MARCHF3: variants seen among roughly 807,000 people sequenced by gnomAD.
MARCHF3 encodes E3 ubiquitin-protein ligase MARCHF3.
A neutral mutation model predicts 24.2 loss-of-function variants in MARCHF3; 13 were observed. The observed-to-expected ratio is 0.54, with a 90% confidence interval of 0.35 to 0.85. The LOEUF is 0.85. Among genes scored for constraint, MARCHF3 ranks in the 40% least tolerant of loss-of-function variants. MARCHF3 has a pLI of 0.01. For synonymous variants in MARCHF3, 144 were observed against 137.3 expected (o/e 1.05, Z -0.34); for missense variants, 276 against 325.0 (o/e 0.85, Z 1.16).
intron 1 of MARCHF3, among the ~76,000 whole-genome samples, chr5:127,014,642 C>T (rs1561473843): frequency 6.6e-6 from 1 of 152,076 alleles, no homozygotes; most frequent in Non-Finnish European, 1.5e-5. Context: ...GAATGAAATT[C>T]TGTAATTTTA....
At chr5:126,902,492 T>C (rs1017976528) in intron 3 of MARCHF3, among the ~76,000 whole-genome samples, 1 of 152,044 alleles carries the variant, frequency 6.6e-6, no homozygotes, top group Non-Finnish European at 1.5e-5. Context: ...ATCAGAACAA[T>C]TGAAAATAAC....
intron 1 of MARCHF3, among the ~76,000 whole-genome samples, chr5:126,976,438 G>A (rs144978375): frequency 6.6e-6 from 1 of 152,174 alleles, no homozygotes; most frequent in African/African-American, 2.4e-5. Flanking sequence ...TTGGTCTCCA[G>A]GTTCATTGCC....
At chr5:126,980,902 A>C (rs964618498) in intron 1 of MARCHF3, among the ~76,000 whole-genome samples, 1 of 152,224 alleles carries the variant, frequency 6.6e-6, no homozygotes, top group Non-Finnish European at 1.5e-5. Context: ...CAGAGATGTT[A>C]AAATTGTTTT....
intron 3 of MARCHF3, among the ~76,000 whole-genome samples, chr5:126,894,638 G>A (rs375430276): frequency 6.6e-6 from 1 of 151,888 alleles, no homozygotes; most frequent in Non-Finnish European, 1.5e-5. Context: ...TGGCTTGTAG[G>A]GTTTCTGCCG....
intron 1 of MARCHF3, among the ~76,000 whole-genome samples, chr5:127,021,037 G>C (rs1016640605): frequency 8.6e-5 from 13 of 152,008 alleles, no homozygotes; most frequent in African/African-American, 3.1e-4. Flanking sequence ...CCAAAACTGT[G>C]AGTAACAAAT....
Position 126,944,488 on chromosome 5 carries a change from CA to C in MARCHF3, c.-56-26262del, listed in dbSNP as rs993956174. 1.5e-4 allele frequency among the ~76,000 whole-genome samples: 23 copies of C among 152,138 alleles called. 1 individual carries two copies. On this transcript the variant is annotated intron_variant, in intron 1 of 4. Coordinates refer to ENST00000308660, the MANE Select transcript of MARCHF3 (RefSeq NM_178450.5). ...GTTGTACATGCCCAGGGGGCTGAGGCAGGGGAACTGCTTGAGCCCAGGAAGT... is the reference window on the plus strand; with the variant it reads ...GTTGTACATGCCCAGGGGGCTGAGGCGGGGAACTGCTTGAGCCCAGGAAGT...
In MARCHF3 at chr5:126,915,492, T is replaced by C. The variant is rs112893328; in HGVS notation, c.189-358A>G. ...CATCCTTCATCATCAAGAAGAGAAA[T>C]TGTTTGAAATGACAAATTGAATCTT... On this transcript the variant is annotated intron_variant, in intron 2 of 4. Coordinates refer to ENST00000308660, the MANE Select transcript of MARCHF3 (RefSeq NM_178450.5). 1.3e-3 allele frequency among the ~76,000 whole-genome samples: 203 copies of C among 152,336 alleles called. 2 individuals are homozygous for C. Among genetic ancestry groups the C allele is most frequent in the African/African-American group, 4.7e-3 (194 of 41,584 alleles).
intron 1 of MARCHF3, among the ~76,000 whole-genome samples, chr5:126,970,690 T>C (rs879584041): frequency 1.3e-5 from 2 of 152,098 alleles, no homozygotes; most frequent in Non-Finnish European, 2.9e-5. Context: ...CCCAGGATGG[T>C]TGCCAACTGT....
chr5:127,018,629 T>C (rs1411968548), intron 1 of MARCHF3, among the ~76,000 whole-genome samples: 1 of 152,106 alleles, frequency 6.6e-6, no homozygotes, highest in Non-Finnish European at 1.5e-5. Context: ...GAGGTGGGAA[T>C]GGGACTGGCT....
intron 2 of MARCHF3, among the ~76,000 whole-genome samples, chr5:126,916,331 T>C (rs1319598589): frequency 1.3e-5 from 2 of 152,134 alleles, no homozygotes; most frequent in Non-Finnish European, 2.9e-5. Context: ...CTCCCTTGCC[T>C]CTCTGTATGC....
intron 1 of MARCHF3, among the ~76,000 whole-genome samples, chr5:127,002,172 C>G (rs186739448): frequency 1.3e-5 from 2 of 152,180 alleles, no homozygotes; most frequent in Non-Finnish European, 2.9e-5. Context: ...AACCCTATCA[C>G]GAGTGATGAA....
chr5:126,924,437 A>G (rs548896616), intron 1 of MARCHF3, among the ~76,000 whole-genome samples: 2 of 152,376 alleles, frequency 1.3e-5, no homozygotes, highest in East Asian at 1.9e-4. Flanking sequence ...TGGTCTGTCC[A>G]GGAACTTTCC....
intron 1 of MARCHF3, among the ~76,000 whole-genome samples, chr5:126,929,551 T>C (rs1217426057): frequency 1.3e-5 from 2 of 152,250 alleles, no homozygotes; most frequent in African/African-American, 4.8e-5. Flanking sequence ...AAAGAATCAG[T>C]GCAATCTGGT....
chr5:126,936,529 T>A (rs1211551497), intron 1 of MARCHF3, among the ~76,000 whole-genome samples: 1 of 152,228 alleles, frequency 6.6e-6, no homozygotes. Context: ...ATTTCAAGTA[T>A]AATTCAGAGA....
intron 4 of MARCHF3, among the ~76,000 whole-genome samples, chr5:126,872,204 C>G (rs150492497): frequency 1.3e-3 from 193 of 150,898 alleles, no homozygotes; most frequent in African/African-American, 4.5e-3. Flanking sequence ...CTCAGCCTCC[C>G]GAGTAGCCAC....
At chr5:126,920,292 G>T (rs759259262) in intron 1 of MARCHF3, among the ~76,000 whole-genome samples, 1 of 152,080 alleles carries the variant, frequency 6.6e-6, no homozygotes, top group Non-Finnish European at 1.5e-5. Flanking sequence ...AAAACAAAGA[G>T]ATGTTAAAAG....
intron 1 of MARCHF3, among the ~76,000 whole-genome samples, chr5:126,961,715 G>A (rs1750643678): frequency 2.0e-5 from 3 of 152,280 alleles, no homozygotes; most frequent in Middle Eastern, 6.8e-3. Flanking sequence ...TTGGCTTGAA[G>A]TAGTAATAGT....
chr5:126,933,728 G>A (rs577791669), intron 1 of MARCHF3, among the ~76,000 whole-genome samples: 12 of 152,188 alleles, frequency 7.9e-5, no homozygotes, highest in Non-Finnish European at 1.0e-4. Context: ...ACAGGCATGA[G>A]CCACTGCACC....
intron 1 of MARCHF3, among the ~76,000 whole-genome samples, chr5:126,981,149 C>T (rs1751381540): frequency 1.3e-5 from 2 of 152,198 alleles, no homozygotes; most frequent in African/African-American, 4.8e-5. Flanking sequence ...ATTACATATA[C>T]TTCTGATGGG....
Sources: allele counts gnomAD v4.1 joint callset (sites outside exome capture counted in the v4.1 genomes callset), GRCh38; gene constraint gnomAD v4.1.1; transcripts MANE v1.5; gene names NCBI Gene and HGNC (gene_info 2026-07-23, HGNC 2026-07-21).